The following PARP2 variants were observed in gnomAD, a reference collection of about 807,000 sequenced individuals.
PARP2 encodes poly(ADP-ribose) polymerase 2.
PARP2 carries 57 observed loss-of-function variants against 77.8 expected under a neutral mutation model. The ratio of observed to expected loss-of-function variants is 0.73; its 90% CI spans 0.59 to 0.91. PARP2 has a LOEUF of 0.91. PARP2 is among the 40% of genes least tolerant of loss of function. The probability of loss-of-function intolerance (pLI) is 0.00; values close to 1 mark genes in which losing one functional copy is unlikely to be tolerated. For missense variants in PARP2, 651 were observed against 689.0 expected, an observed-to-expected ratio of 0.94 and a Z score of 0.62; for synonymous variants, 226 against 242.6, an observed-to-expected ratio of 0.93 and a Z score of 0.64.
intron 4 of PARP2, among the ~76,000 whole-genome samples, chr14:20,349,852 ACAC>A (rs1416025787): frequency 1.3e-5 from 2 of 152,146 alleles, no homozygotes; most frequent in African/African-American, 4.8e-5. Flanking sequence ...CGGCCATACA[ACAC>A]CAGCTGCTAT....
chr14:20,357,213 G>C (rs748892976), intron 14 of PARP2, 64 bp downstream of exon 14: 28 of 1,401,468 alleles, frequency 2.0e-5, no homozygotes, highest in Non-Finnish European at 2.7e-5. Context: ...GATGAGAAAA[G>C]TTTGACCCCA....
intron 6 of PARP2, among the ~76,000 whole-genome samples, chr14:20,352,037 C>G (rs1238763651): frequency 6.6e-6 from 1 of 152,102 alleles, no homozygotes; most frequent in Admixed American, 6.6e-5. Flanking sequence ...CATTGTTTTT[C>G]CCATTTTTTA....
rs780282992 is a variant in PARP2 at position 20,350,544 on chromosome 14, A to G, written c.343A>G (p.Asn115Asp). ...MLNQTNLQFN[N>D]NKYYLIQLLE... ...AACATAGACCAATCTCCAGTTCAACAACAACAAGTACTATCTGATTCAGCT... is the reference window on the plus strand; with the variant it reads ...AACATAGACCAATCTCCAGTTCAACGACAACAAGTACTATCTGATTCAGCT... The change falls in exon 5 of 16, where the codon AAC (asparagine) becomes GAC (aspartate). Residue 115 changes from asparagine (N) to aspartate (D), a missense_variant. Physicochemically the swap from Asn to Asp is conservative, Grantham distance 23 (BLOSUM62 1). Coordinates refer to ENST00000429687, the MANE Select transcript of PARP2 (RefSeq NM_001042618.2). The G allele has an allele frequency of 5.0e-6, 8 of 1,607,462 alleles. No homozygotes were observed. The highest frequency in any genetic ancestry group is 6.8e-6 in the Non-Finnish European group (8 of 1,174,366).
Position 20,357,706 on chromosome 14 carries a change from T to C in PARP2, c.1622T>C (p.Leu541Pro), listed in dbSNP as rs778234957. The part of the protein sequence containing the change: ...TGILNPDGYT[L>P]NYNEYIVYNP... ...ATTCTGAATCCAGATGGTTATACCCTCAACTACAATGAATATATTGTATAT... is the reference window on the plus strand; with the variant it reads ...ATTCTGAATCCAGATGGTTATACCCCCAACTACAATGAATATATTGTATAT... Residue 541 changes from leucine to proline, a missense_variant, in exon 16 of 16, where the codon CTC (leucine) becomes CCC (proline). By Grantham distance (98) the Leu-to-Pro change is moderately conservative (BLOSUM62 -3). Coordinates refer to ENST00000429687, the MANE Select transcript of PARP2 (RefSeq NM_001042618.2). 6.2e-6 allele frequency: 10 copies of C among 1,613,740 alleles called. 1 individual carries two copies. The South Asian group carries it at 1.1e-4, about 18-fold the overall frequency.
intron 13 of PARP2, 54 bp from the exon 14 acceptor site, chr14:20,356,997 C>G: frequency 9.1e-7 from 1 of 1,101,530 alleles, no homozygotes; most frequent in South Asian, 1.2e-5. Flanking sequence ...TATGCACCTT[C>G]TCTCTAACAC....
At chr14:20,350,697 T>C (rs1239398307) in intron 5 of PARP2, 75 bp downstream of exon 5, 1 of 916,930 alleles carries the variant, frequency 1.1e-6, no homozygotes, top group African/African-American at 1.6e-5. Flanking sequence ...GCCAAAGGAT[T>C]CTCTGGGTTT....
rs191996161 is a variant in PARP2 at position 20,357,135 on chromosome 14, C to T, written c.1414C>T (p.Leu472=). 2 of 1,603,490 alleles carry T rather than the reference C, an allele frequency of 1.2e-6. No individual in the cohort carries two copies. The highest frequency in any genetic ancestry group is 4.5e-5 in the East Asian group (2 of 44,764). ...CTCTCGCCTAAAGAATACAGGACTG[C>T]TGCTCTTATCAGAGGTGAGACAGGA... ...FASRLKNTGL[L]LLSEVALGQC... is the part of the protein sequence containing the mutation. The change falls in exon 14 of 16, where the codon CTG becomes TTG. Residue 472 remains leucine, a synonymous_variant. Transcript: ENST00000429687.
chr14:20,348,433 A>G (rs1046981135), intron 4 of PARP2, among the ~76,000 whole-genome samples: 2 of 148,630 alleles, frequency 1.3e-5, no homozygotes, highest in Non-Finnish European at 1.5e-5. Flanking sequence ...GTGTCTTGCT[A>G]TGTTGCTCAG....
At chr14:20,355,160 C>T in intron 9 of PARP2, 1 of 467,580 alleles carries the variant, frequency 2.1e-6, no homozygotes, top group Non-Finnish European at 3.7e-6. Flanking sequence ...TATTCTCTGA[C>T]AAAGTGGAAG....
In PARP2 at chr14:20,347,872, T is replaced by G. The variant is rs4981989; in HGVS notation, c.324+959T>G. Among the ~76,000 whole-genome samples the G allele has an allele frequency of 2.1e-4, 21 of 100,374 alleles. No individual in the cohort carries two copies. In the African/African-American group the frequency reaches 2.7e-3, roughly 13 times the overall value. The allele number at this position is 100,374 out of a possible 152,430, so 65.8% of individuals were successfully genotyped here. On this transcript the variant is annotated intron_variant, in intron 4 of 15. Coordinates refer to ENST00000429687, the MANE Select transcript of PARP2 (RefSeq NM_001042618.2). ...CTCTCTGTTCATATCCTTTTGCACATTTTTTTTTTTTTTTTAAACAGACAG... is the reference window on the plus strand; with the variant it reads ...CTCTCTGTTCATATCCTTTTGCACAGTTTTTTTTTTTTTTTAAACAGACAG...
At chr14:20,356,124 T>G in intron 11 of PARP2, 93 bp downstream of exon 11, 1 of 1,495,026 alleles carries the variant, frequency 6.7e-7, no homozygotes, top group Non-Finnish European at 9.1e-7. Flanking sequence ...CAAGAGCAAA[T>G]TGTCAATTAG....
intron 6 of PARP2, among the ~76,000 whole-genome samples, chr14:20,351,640 A>G (rs572041976): frequency 1.1e-4 from 16 of 152,376 alleles, no homozygotes; most frequent in African/African-American, 3.8e-4. Context: ...AAGTCACTAA[A>G]AACAGAAGAA....
intron 8 of PARP2, 174 bp from the exon 9 acceptor site, chr14:20,354,635 C>T (rs1884075362): frequency 4.8e-6 from 3 of 629,706 alleles, no homozygotes; most frequent in Non-Finnish European, 8.2e-6. Context: ...GGTTGAACTG[C>T]ATTTAGCTGT....
intron 7 of PARP2, 97 bp downstream of exon 7, chr14:20,352,444 C>T (rs952023985): frequency 2.9e-6 from 2 of 680,894 alleles, no homozygotes; most frequent in Non-Finnish European, 5.0e-6. Flanking sequence ...CTGGGTGGCA[C>T]AATCATGGCT....
Position 20,354,926 on chromosome 14 carries a change from C to T in PARP2, c.881C>T (p.Thr294Ile), listed in dbSNP as rs1486810734. Residue 294 changes from threonine to isoleucine, a missense_variant, in exon 9 of 16, where the codon ACC (threonine) becomes ATC (isoleucine). Thr to Ile is a moderately conservative substitution (Grantham distance 89). Transcript: ENST00000429687. ...ALMEACNEFYTRIPHDFGLRT... is the reference protein window; with the variant it reads ...ALMEACNEFYIRIPHDFGLRT... The stretch of plus-strand genomic sequence containing the variant: ...ATGGAAGCATGCAATGAATTCTACA[C>T]CAGGATTCCGCATGACTTTGGGTAA... The T allele has an allele frequency of 8.1e-6, 13 of 1,613,654 alleles. No individual in the cohort carries two copies. Among genetic ancestry groups the T allele is most frequent in the Non-Finnish European group, 1.0e-5 (12 of 1,179,834 alleles).
chr14:20,357,661 G>A lies in PARP2; in HGVS notation c.1577G>A (p.Gly526Glu), dbSNP rs1207040631. ...VTLNGSTVPL[G>E]PASDTGILNP... ...AGGAATGGGAGTACAGTGCCATTAG[G>A]ACCAGCAAGTGACACAGGAATTCTG... Residue 526 changes from glycine to glutamate, a missense_variant, in exon 16 of 16, where the codon GGA becomes GAA. By Grantham distance (98) the Gly-to-Glu change is moderately conservative (BLOSUM62 -2). Transcript: ENST00000429687. 2 of 1,613,622 alleles carry A rather than the reference G, an allele frequency of 1.2e-6. No individual in the cohort carries two copies. The highest frequency in any genetic ancestry group is 1.7e-6 in the Non-Finnish European group (2 of 1,179,892).
chr14:20,355,436 T>G (rs1279606410), intron 9 of PARP2: 1 of 207,414 alleles, frequency 4.8e-6, no homozygotes, highest in African/African-American at 2.3e-5. Flanking sequence ...TACCTGTGCT[T>G]CTAGATAGAA....
chr14:20,356,959 T>G (rs920828609), intron 13 of PARP2, 92 bp from the exon 14 acceptor site: 15 of 853,232 alleles, frequency 1.8e-5, no homozygotes, highest in Admixed American at 1.7e-4. Flanking sequence ...ATATTGTGTT[T>G]AAGGGAATGG....
intron 12 of PARP2, 26 bp from the exon 13 acceptor site, chr14:20,356,564 G>A: frequency 6.2e-7 from 1 of 1,605,234 alleles, no homozygotes. Flanking sequence ...GAACAACAGA[G>A]TACAATAATA....
Sources: allele counts gnomAD v4.1 joint callset (sites outside exome capture counted in the v4.1 genomes callset), GRCh38; gene constraint gnomAD v4.1.1; transcripts MANE v1.5; gene names NCBI Gene and HGNC (gene_info 2026-07-23, HGNC 2026-07-21).